PRKAG2: variants seen among roughly 807,000 people sequenced by gnomAD.
PRKAG2 encodes the protein 5'-AMP-activated protein kinase subunit gamma-2.
PRKAG2 carries 26 observed loss-of-function variants against 69.6 expected under a neutral mutation model. That is an observed-to-expected ratio of 0.37 (90% CI 0.27 to 0.52). The LOEUF is 0.52. Ranked by LOEUF, PRKAG2 falls within the 20% of genes least tolerant of loss-of-function variation. The pLI, the probability that PRKAG2 is intolerant of heterozygous loss-of-function variation, is 0.90. For synonymous variants in PRKAG2, 293 were observed against 285.0 expected, an observed-to-expected ratio of 1.03 and a Z score of -0.28; for missense variants, 557 against 740.0, an observed-to-expected ratio of 0.75 and a Z score of 2.87.
Position 151,830,118 on chromosome 7 carries a change from G to T in PRKAG2, c.115-43577C>A, listed in dbSNP as rs111829946. Among the ~76,000 whole-genome samples, 35 of 141,740 alleles carry T rather than the reference G, an allele frequency of 2.5e-4. No homozygotes were observed. In the South Asian group the frequency reaches 3.5e-3, roughly 14 times the overall value. The allele number at this position is 141,740 out of a possible 152,430, so 93.0% of individuals were successfully genotyped here. A position where few individuals can be genotyped will look rare whatever the true frequency, so the allele number is the denominator to read the frequency against. On this transcript the variant is annotated intron_variant, in intron 1 of 15. Coordinates refer to ENST00000287878, the MANE Select transcript of PRKAG2 (RefSeq NM_016203.4). ...CCAATGTCGAGGACTGTTCCACCTGGTTTTTTTTTTTTTTTTTTACCATGC... is the reference window on the plus strand; with the variant it reads ...CCAATGTCGAGGACTGTTCCACCTGTTTTTTTTTTTTTTTTTTTACCATGC...
chr7:151,560,312 T>G (rs769950063), intron 15 of PRKAG2: 4 of 1,467,150 alleles, frequency 2.7e-6, no homozygotes, highest in South Asian at 2.4e-5. Context: ...TAGGATGCTC[T>G]TAACTTCGAA....
intron 1 of PRKAG2, among the ~76,000 whole-genome samples, chr7:151,868,943 C>T (rs1242690640): frequency 2.0e-5 from 3 of 152,176 alleles, no homozygotes; most frequent in East Asian, 1.9e-4. Context: ...TTACAAATTA[C>T]GTAAGCGAAG....
Position 151,876,676 on chromosome 7 carries a change from C to T in PRKAG2, c.-56G>A, listed in dbSNP as rs2080414061. 2 of 1,535,444 alleles carry T rather than the reference C, an allele frequency of 1.3e-6. No individual in the cohort carries two copies. The highest frequency in any genetic ancestry group is 8.9e-7 in the Non-Finnish European group (1 of 1,122,556). ...TCCTCGGGGGTTCGGTCCCCTCCTT[C>T]CCTCCCCCGGCCGCTGCCTTCGGAC... is the stretch of plus-strand genomic sequence containing the variant. On this transcript the variant is annotated 5_prime_UTR_variant, in exon 1 of 16. Transcript: ENST00000287878.
At chr7:151,795,420 C>G (rs774384068) in intron 1 of PRKAG2, among the ~76,000 whole-genome samples, 2 of 151,878 alleles carry the variant, frequency 1.3e-5, no homozygotes, top group Non-Finnish European at 2.9e-5. Flanking sequence ...GCGGTCTTCA[C>G]AGGTGGCACT....
At position 151,560,131 on chromosome 7, in the gene PRKAG2, T is replaced by C. The variant is rs137979987; in HGVS notation, c.1678+393A>G. On this transcript the variant is annotated intron_variant, in intron 15 of 15. Transcript: ENST00000287878. ...TTATCTACTCAAAATATAAGTTTTT[T>C]TTCTCTTTAAGGAAAGATGAAGGTA... The C allele has an allele frequency of 6.1e-4, 600 of 985,374 alleles. 9 individuals are homozygous for C. In the African/African-American group the frequency reaches 9.5e-3, roughly 16 times the overall value. 61.0% of individuals were successfully genotyped at this position (985,374 alleles called of 1,614,324 possible). A position where few individuals can be genotyped will look rare whatever the true frequency, so the allele number is the denominator to read the frequency against.
intron 1 of PRKAG2, among the ~76,000 whole-genome samples, chr7:151,829,859 G>A (rs78708917): frequency 0.029 from 4,382 of 151,920 alleles, 207 homozygotes; most frequent in African/African-American, 0.1. Context: ...AGGCAGGAGA[G>A]TCCTGGAGGG....
chr7:151,578,180 A>C (rs993094083), intron 6 of PRKAG2, among the ~76,000 whole-genome samples: 1 of 152,026 alleles, frequency 6.6e-6, no homozygotes, highest in Non-Finnish European at 1.5e-5. Flanking sequence ...CCTCGTCTCC[A>C]CTAAAAATAC....
At chr7:151,621,759 G>T (rs539759446) in intron 5 of PRKAG2, among the ~76,000 whole-genome samples, 54 of 151,690 alleles carry the variant, frequency 3.6e-4, no homozygotes, top group Admixed American at 9.2e-4. Context: ...TTTTTTTGTT[G>T]AGATGGGGTT....
chr7:151,685,190 C>T (rs892432964), intron 3 of PRKAG2, among the ~76,000 whole-genome samples: 3 of 152,172 alleles, frequency 2.0e-5, no homozygotes, highest in Non-Finnish European at 2.9e-5. Context: ...TACCATTCTC[C>T]ACCCTCCGTG....
chr7:151,682,545 A>G (rs1037182505), intron 3 of PRKAG2, among the ~76,000 whole-genome samples: 3 of 152,130 alleles, frequency 2.0e-5, no homozygotes, highest in African/African-American at 7.2e-5. Context: ...GCCCCCCATT[A>G]CTTTTAAATA....
chr7:151,644,980 G>A (rs1827322265), intron 4 of PRKAG2, among the ~76,000 whole-genome samples: 1 of 152,110 alleles, frequency 6.6e-6, no homozygotes, highest in Non-Finnish European at 1.5e-5. Flanking sequence ...CTTTTGTGAA[G>A]TGACTGTACA....
chr7:151,810,562 G>A (rs2078363437), intron 1 of PRKAG2: 1 of 152,484 alleles, frequency 6.6e-6, no homozygotes, highest in Non-Finnish European at 1.5e-5. Flanking sequence ...ACCCCCTAAA[G>A]TTGCCACCCC....
intron 3 of PRKAG2, among the ~76,000 whole-genome samples, chr7:151,685,631 T>G (rs1012145601): frequency 6.6e-6 from 1 of 152,020 alleles, no homozygotes; most frequent in African/African-American, 2.4e-5. Flanking sequence ...TAGCTGGGCA[T>G]GGTGGCCTGT....
rs977010219 is a variant in PRKAG2, at chr7:151,557,134, A to G, written c.*67T>C. On this transcript the variant is annotated 3_prime_UTR_variant, in exon 16 of 16. Transcript: ENST00000287878. ...TCTTAACCACTTGCAGCCAGTGTTC[A>G]TGAGGCAAAACGTGACCCAGAGACT... The G allele has an allele frequency of 5.6e-5, 90 of 1,612,230 alleles. 5 individuals carry two copies. Among genetic ancestry groups the G allele is most frequent in the Non-Finnish European group, 8.5e-7 (1 of 1,178,394 alleles).
chr7:151,770,487 G>T lies in PRKAG2; in HGVS notation c.466+10665C>A, dbSNP rs114950926. ...GCATAAATCCCTGTCTTCCACTCTC[G>T]CAGTGCCTGTTTCCAGCATCTGGCT... On this transcript the variant is annotated intron_variant, in intron 3 of 15. Coordinates refer to ENST00000287878, the MANE Select transcript of PRKAG2 (RefSeq NM_016203.4). Among the ~76,000 whole-genome samples, 4 of 152,262 alleles carry T rather than the reference G, an allele frequency of 2.6e-5. No homozygotes were observed. In the East Asian group the frequency reaches 7.7e-4, roughly 29 times the overall value.
intron 1 of PRKAG2, among the ~76,000 whole-genome samples, chr7:151,847,755 A>G (rs2079468408): frequency 6.6e-6 from 1 of 152,228 alleles, no homozygotes; most frequent in Admixed American, 6.5e-5. Flanking sequence ...TCTTCCAGAC[A>G]CAATGCTTCT....
chr7:151,855,095 C>CCTCCACACACACCATG (rs2079692058), intron 1 of PRKAG2, among the ~76,000 whole-genome samples: 2 of 47,610 alleles, frequency 4.2e-5, no homozygotes, highest in African/African-American at 2.9e-4. Context: ...CACACACCAT[C>CCTCCACACACACCATG]CTCCACACAC....
chr7:151,711,171 G>A (rs1301358953), intron 3 of PRKAG2, among the ~76,000 whole-genome samples: 1 of 151,892 alleles, frequency 6.6e-6, no homozygotes, highest in African/African-American at 2.4e-5. Context: ...AGTACTGAGG[G>A]TGCTAGGCTT....
At chr7:151,709,690 A>G (rs533723387) in intron 3 of PRKAG2, among the ~76,000 whole-genome samples, 28 of 152,208 alleles carry the variant, frequency 1.8e-4, no homozygotes, top group Non-Finnish European at 2.9e-4. Flanking sequence ...TGTGTGACAC[A>G]CACATAACAC....
Sources: allele counts gnomAD v4.1 joint callset (sites outside exome capture counted in the v4.1 genomes callset), GRCh38; gene constraint gnomAD v4.1.1; transcripts MANE v1.5; gene names NCBI Gene and HGNC (gene_info 2026-07-23, HGNC 2026-07-21).